Variants in CEP295 observed in about 807,000 individuals in gnomAD.
The protein encoded by CEP295 is centrosomal protein 295.
CEP295 carries 190 observed loss-of-function variants against 291.6 expected under a neutral mutation model. The ratio of observed to expected loss-of-function variants is 0.65; its 90% CI spans 0.58 to 0.73. The LOEUF is 0.73. Among genes scored for constraint, CEP295 ranks in the 30% least tolerant of loss-of-function variants. The pLI, the probability that CEP295 is intolerant of heterozygous loss-of-function variation, is 0.00. For missense variants in CEP295, 2,863 were observed against 2,949.4 expected (o/e 0.97, Z 0.68); for synonymous variants, 993 against 1,038.8 (o/e 0.96, Z 0.85).
intron 20 of CEP295, 174 bp from the exon 21 acceptor site, chr11:93,722,867 C>T (rs1007633968): frequency 2.0e-5 from 10 of 507,422 alleles, no homozygotes; most frequent in South Asian, 9.8e-5. Context: ...TGCGCCACCA[C>T]GCCCAGCTGA....
chr11:93,719,567 T>G (rs1328509049), intron 18 of CEP295: 1 of 152,134 alleles, frequency 6.6e-6, no homozygotes, highest in Non-Finnish European at 1.5e-5. Context: ...CATGCCTACC[T>G]GCTTGTTTAC....
chr11:93,718,530 G>T (rs988507222), intron 18 of CEP295, among the ~76,000 whole-genome samples: 3 of 152,112 alleles, frequency 2.0e-5, no homozygotes, highest in African/African-American at 7.2e-5. Flanking sequence ...CTCTGATCTT[G>T]CTCCTTTCTC....
chr11:93,683,358 G>C (rs998446619), intron 7 of CEP295, among the ~76,000 whole-genome samples: 1 of 152,184 alleles, frequency 6.6e-6, no homozygotes, highest in African/African-American at 2.4e-5. Context: ...GGTTGAGATT[G>C]TGTCCCTAGC....
intron 18 of CEP295, among the ~76,000 whole-genome samples, chr11:93,720,615 C>T (rs1042152882): frequency 6.6e-6 from 1 of 151,840 alleles, no homozygotes; most frequent in Admixed American, 6.6e-5. Context: ...TTTTTTGAGA[C>T]GGGGTCTGGC....
rs375284132 is a variant in CEP295 at position 93,702,471 on chromosome 11, C to T, written c.5286C>T (p.Pro1762=). The T allele has an allele frequency of 8.2e-5, 126 of 1,532,484 alleles. No individual in the cohort carries two copies. In the African/African-American group the frequency reaches 1.1e-3, roughly 14 times the overall value. The allele number at this position is 1,532,484 out of a possible 1,614,324, so 94.9% of individuals were successfully genotyped here. A position where few individuals can be genotyped will look rare whatever the true frequency, so the allele number is the denominator to read the frequency against. The change falls in exon 16 of 30, where the codon CCC becomes CCT. Residue 1762 remains proline, a synonymous_variant. Coordinates refer to ENST00000325212, the MANE Select transcript of CEP295 (RefSeq NM_033395.2). ...CTCCACTTTTTCAGATAAGTAAGCC[C>T]ACAGTTGAAAATGATTTAAAAACCC... ...DFFKDSQISK[P]TVENDLKTQK... is the part of the protein sequence containing the mutation.
intron 2 of CEP295, among the ~76,000 whole-genome samples, chr11:93,667,337 G>T (rs181091662): frequency 6.6e-6 from 1 of 152,280 alleles, no homozygotes; most frequent in East Asian, 1.9e-4. Flanking sequence ...GCTTTTATAG[G>T]TTATTAGAGT....
Position 93,687,790 on chromosome 11 carries a change from G to C in CEP295, c.1261G>C (p.Glu421Gln). Reference protein sequence around the residue: ...SEMITTVSEIESKAPTVESGT... With the variant: ...SEMITTVSEIQSKAPTVESGT... The stretch of plus-strand genomic sequence containing the variant: ...AATGATTACGACTGTTAGTGAAATT[G>C]AGAGTAAAGCACCAACGGTTGAGTC... Residue 421 changes from glutamate to glutamine, a missense_variant, in exon 10 of 30, where the codon GAG becomes CAG. Glu to Gln is a conservative substitution (Grantham distance 29, BLOSUM62 2). Around this residue, in one of 3 missense-constraint regions of CEP295, gnomAD observed 554 missense variants for 576.0 expected, o/e 0.96. Transcript: ENST00000325212. 6.4e-7 allele frequency: 1 copy of C among 1,551,348 alleles called. No homozygotes were observed. The highest frequency in any genetic ancestry group is 8.7e-7 in the Non-Finnish European group (1 of 1,146,768).
intron 18 of CEP295, among the ~76,000 whole-genome samples, chr11:93,718,190 C>T (rs1406248694): frequency 7.2e-5 from 11 of 152,196 alleles, no homozygotes; most frequent in Non-Finnish European, 1.3e-4. Flanking sequence ...GGATTATAGG[C>T]GTGAGCCACC....
At chr11:93,701,547 T>C (rs141152444) in intron 15 of CEP295, among the ~76,000 whole-genome samples, 134 of 152,268 alleles carry the variant, frequency 8.8e-4, no homozygotes, top group African/African-American at 3.2e-3. Flanking sequence ...TACTCAAATA[T>C]AATCTCTTAT....
At chr11:93,708,048 T>C (rs1952635973) in intron 18 of CEP295, among the ~76,000 whole-genome samples, 1 of 152,224 alleles carries the variant, frequency 6.6e-6, no homozygotes, top group Non-Finnish European at 1.5e-5. Context: ...TTTTAATTTT[T>C]GTGGCTACAT....
intron 9 of CEP295, 135 bp downstream of exon 9, chr11:93,684,263 G>A (rs1043868300): frequency 1.6e-6 from 1 of 637,980 alleles, no homozygotes; most frequent in Non-Finnish European, 2.6e-6. Context: ...AGTAGCTAAA[G>A]GATACAACGT....
At chr11:93,690,238 C>T (rs372475287) in intron 10 of CEP295, among the ~76,000 whole-genome samples, 14 of 150,684 alleles carry the variant, frequency 9.3e-5, no homozygotes, top group Admixed American at 5.9e-4. Flanking sequence ...GGTGAAACCC[C>T]GTCTCCACTA....
chr11:93,663,068 A>G (rs1227156941), intron 1 of CEP295, among the ~76,000 whole-genome samples: 1 of 152,214 alleles, frequency 6.6e-6, no homozygotes, highest in Non-Finnish European at 1.5e-5. Context: ...AGACTGAGAA[A>G]CTGTCCCAGA....
chr11:93,681,801 C>A (rs1462974706), intron 7 of CEP295, among the ~76,000 whole-genome samples: 1 of 151,970 alleles, frequency 6.6e-6, no homozygotes, highest in Non-Finnish European at 1.5e-5. Flanking sequence ...CCTGCCTCGA[C>A]CTCCCAAAGT....
rs1457623062 is a variant in CEP295, at chr11:93,697,478, C to A, written c.2566C>A (p.Leu856Ile). 4 of 1,551,810 alleles carry A rather than the reference C, an allele frequency of 2.6e-6. No homozygotes were observed. The African/African-American group carries it at 5.5e-5, about 21-fold the overall frequency. The change falls in exon 15 of 30, where the codon CTA becomes ATA. Residue 856 changes from leucine to isoleucine, a missense_variant. By Grantham distance (5) the Leu-to-Ile change is conservative. This residue lies in a region of CEP295 where 2,295 missense variants were observed against 2,335.7 expected (regional missense o/e 0.98). Transcript: ENST00000325212. ...NMKALQEQLD[L>I]QKKVLQATQE... The stretch of plus-strand genomic sequence containing the variant: ...GAAGGCCCTCCAAGAACAGTTAGAC[C>A]TACAGAAGAAAGTTCTTCAGGCAAC...
chr11:93,674,327 G>T (rs1950586629), intron 5 of CEP295, among the ~76,000 whole-genome samples: 1 of 152,064 alleles, frequency 6.6e-6, no homozygotes. Context: ...ACTCATATAT[G>T]TTATAGCTAA....
rs925929829 is a variant in CEP295, at chr11:93,667,785, G to C, written c.287G>C (p.Gly96Ala). Residue 96 changes from glycine (G) to alanine (A), a missense_variant, in exon 3 of 30, where the codon GGA becomes GCA. By Grantham distance (60) the Gly-to-Ala change is moderately conservative (BLOSUM62 0). Coordinates refer to ENST00000325212, the MANE Select transcript of CEP295 (RefSeq NM_033395.2). ...GCAAGTTTAAGAAGTATGGGAGAGG[G>C]ACATCGACAGGCCAAAGAAAATGTG... ...YLASLRSMGE[G>A]HRQAKENEPD... is the part of the protein sequence containing the mutation. 5 of 1,550,362 alleles carry C rather than the reference G, an allele frequency of 3.2e-6. No individual in the cohort carries two copies. The African/African-American group carries it at 5.5e-5, about 17-fold the overall frequency.
intron 12 of CEP295, among the ~76,000 whole-genome samples, chr11:93,693,757 A>C (rs778222875): frequency 3.3e-5 from 5 of 151,346 alleles, no homozygotes; most frequent in African/African-American, 4.9e-5. Context: ...TATCTCAAAA[A>C]AAAAGAAAAA....
At chr11:93,683,386 G>A (rs1210639126) in intron 7 of CEP295, among the ~76,000 whole-genome samples, 173 bp from the exon 8 acceptor site, 3 of 152,150 alleles carry the variant, frequency 2.0e-5, no homozygotes, top group African/African-American at 7.2e-5. Flanking sequence ...GTGGTATCTG[G>A]TATTCAGCAA....
Sources: gnomAD v4.1 joint callset for allele counts (sites outside exome capture counted in the v4.1 genomes callset) on GRCh38, gnomAD v4.1.1 for gene constraint, gnomAD v4.1.1 regional missense constraint, MANE v1.5 for transcripts, NCBI Gene and HGNC (gene_info 2026-07-23, HGNC 2026-07-21) for gene names.